Variants in SRPK2 observed in about 807,000 individuals in gnomAD.
SRPK2 encodes SRSF protein kinase 2, also known as SFRS protein kinase 2.
Under a neutral mutation model 90.8 loss-of-function variants are expected in SRPK2, and 21 were observed. That is an observed-to-expected ratio of 0.23 (90% CI 0.16 to 0.33). The LOEUF (loss-of-function observed/expected upper bound fraction) is 0.33, where lower values mean the gene tolerates loss of function less well. Ranked by LOEUF, SRPK2 falls within the 10% of genes least tolerant of loss-of-function variation. The pLI, the probability that SRPK2 is intolerant of heterozygous loss-of-function variation, is 1.00. For synonymous variants in SRPK2, 288 were observed against 311.1 expected (o/e 0.93, Z 0.78); for missense variants, 620 against 869.0 (o/e 0.71, Z 3.60).
upstream of SRPK2, among the ~76,000 whole-genome samples, chr7:105,390,047 T>C (rs1316937814): frequency 6.6e-6 from 1 of 152,244 alleles, no homozygotes. Flanking sequence ...TCACCAATTT[T>C]TAACATTCTG....
At chr7:105,348,603 A>G (rs1269181274) in intron 2 of SRPK2, among the ~76,000 whole-genome samples, 1 of 150,814 alleles carries the variant, frequency 6.6e-6, no homozygotes, top group African/African-American at 2.4e-5. Flanking sequence ...TTTGTATTTT[A>G]GTAGAGATGA....
chr7:105,301,364 G>A (rs1160026276), intron 2 of SRPK2, among the ~76,000 whole-genome samples: 10 of 152,006 alleles, frequency 6.6e-5, no homozygotes, highest in Non-Finnish European at 1.5e-5. Flanking sequence ...GCCGAGGCCA[G>A]GGGCACGCAC....
chr7:105,267,303 C>T (rs1175290297), intron 2 of SRPK2, among the ~76,000 whole-genome samples: 1 of 152,146 alleles, frequency 6.6e-6, no homozygotes, highest in Non-Finnish European at 1.5e-5. Flanking sequence ...GTAAAGAATT[C>T]ATGATATTCC....
At chr7:105,390,661 C>T (rs35601145), upstream of SRPK2, among the ~76,000 whole-genome samples, 39,650 of 143,084 alleles carry the variant, frequency 0.28, 5,901 homozygotes, top group Middle Eastern at 0.34. Flanking sequence ...CCCTATTGGC[C>T]AGGCTGGTCT....
intron 2 of SRPK2, among the ~76,000 whole-genome samples, chr7:105,331,331 AAAAAAAC>A (rs1814357755): frequency 4.8e-5 from 7 of 146,422 alleles, no homozygotes; most frequent in South Asian, 2.1e-4. Flanking sequence ...AAAAAAAAAA[AAAAAAAC>A]AAATAGTTAT....
At chr7:105,373,496 A>G (rs910005071) in intron 2 of SRPK2, among the ~76,000 whole-genome samples, 5 of 145,430 alleles carry the variant, frequency 3.4e-5, no homozygotes, top group Non-Finnish European at 7.5e-5. Flanking sequence ...TCCACCTCCC[A>G]GATTCAAGTG....
chr7:105,312,437 C>CAAAAAAAA (rs61348366), intron 2 of SRPK2, among the ~76,000 whole-genome samples: 1,786 of 84,496 alleles, frequency 0.021, 160 homozygotes, highest in African/African-American at 0.042. Flanking sequence ...GAGACTCCGT[C>CAAAAAAAA]AAAAAAAAAA....
intron 7 of SRPK2, among the ~76,000 whole-genome samples, chr7:105,156,623 C>T (rs1442681083): frequency 6.6e-6 from 1 of 152,134 alleles, no homozygotes; most frequent in African/African-American, 2.4e-5. Context: ...ACCTCAGCCT[C>T]CCAGGTAGCT....
intron 6 of SRPK2, among the ~76,000 whole-genome samples, chr7:105,160,910 T>C (rs1807516507): frequency 6.6e-6 from 1 of 152,142 alleles, no homozygotes. Context: ...ACATAACCTA[T>C]TCACATCCTT....
At chr7:105,144,059 A>G (rs1804183204) in intron 9 of SRPK2, 1 of 152,260 alleles carries the variant, frequency 6.6e-6, no homozygotes, top group Non-Finnish European at 1.5e-5. Context: ...CTGTCTCAGT[A>G]AAAATAGTGT....
intron 7 of SRPK2, among the ~76,000 whole-genome samples, chr7:105,151,104 A>T (rs193261058): frequency 5.1e-4 from 78 of 152,278 alleles, no homozygotes; most frequent in African/African-American, 1.5e-3. Flanking sequence ...ATTTTTTTTA[A>T]AAAAAATTGG....
At chr7:105,157,225 C>T (rs935514296) in intron 7 of SRPK2, among the ~76,000 whole-genome samples, 2 of 152,026 alleles carry the variant, frequency 1.3e-5, no homozygotes, top group South Asian at 2.1e-4. Flanking sequence ...GTTCAACAGG[C>T]GGGTTCCTGG....
chr7:105,371,512 G>C (rs1218950760), intron 2 of SRPK2, among the ~76,000 whole-genome samples: 1 of 149,628 alleles, frequency 6.7e-6, no homozygotes, highest in African/African-American at 2.5e-5. Context: ...AGCACTCTGG[G>C]AGGTTAGGGT....
At chr7:105,312,795 A>G (rs1430414976) in intron 2 of SRPK2, among the ~76,000 whole-genome samples, 1 of 152,156 alleles carries the variant, frequency 6.6e-6, no homozygotes, top group Non-Finnish European at 1.5e-5. Flanking sequence ...CAAACAGTTG[A>G]TATGGGAATA....
intron 7 of SRPK2, among the ~76,000 whole-genome samples, chr7:105,153,231 A>C (rs1805992317): frequency 6.6e-6 from 1 of 152,156 alleles, no homozygotes; most frequent in African/African-American, 2.4e-5. Context: ...CTTTGAGTTC[A>C]GCAGCAGTGC....
intron 3 of SRPK2, among the ~76,000 whole-genome samples, chr7:105,170,557 G>A (rs1790681940): frequency 6.6e-6 from 1 of 151,526 alleles, no homozygotes; most frequent in African/African-American, 2.4e-5. Flanking sequence ...AGTCAGGTGT[G>A]CTGGCGAACT....
At chr7:105,396,808 AAGAAAG>A (rs1290954493) in intron 1 of SRPK2, among the ~76,000 whole-genome samples, 8 of 103,278 alleles carry the variant, frequency 7.7e-5, no homozygotes, top group East Asian at 3.3e-4. Flanking sequence ...AAGAGAAAGA[AAGAAAG>A]AGAGAAAGAG....
chr7:105,394,862 C>G (rs1010243061), intron 1 of SRPK2, among the ~76,000 whole-genome samples: 1 of 152,150 alleles, frequency 6.6e-6, no homozygotes, highest in African/African-American at 2.4e-5. Flanking sequence ...AGATGGTGAT[C>G]ATTTTTATTT....
intron 2 of SRPK2, among the ~76,000 whole-genome samples, chr7:105,372,208 A>G (rs938027952): frequency 1.3e-5 from 2 of 151,858 alleles, no homozygotes; most frequent in Admixed American, 6.6e-5. Flanking sequence ...ACTTATAATG[A>G]TAATAGTCAT....
Sources: gnomAD v4.1 joint callset for allele counts (sites outside exome capture counted in the v4.1 genomes callset) on GRCh38, gnomAD v4.1.1 for gene constraint, MANE v1.5 for transcripts, NCBI Gene and HGNC (gene_info 2026-07-23, HGNC 2026-07-21) for gene names.